SLC29A3: variants seen among roughly 807,000 people sequenced by gnomAD.
SLC29A3 encodes solute carrier family 29 member 3, also known as equilibrative nucleoside transporter 3.
SLC29A3 carries 18 observed loss-of-function variants against 25.4 expected under a neutral mutation model. That is an observed-to-expected ratio of 0.71 (90% CI 0.49 to 1.05). The LOEUF (loss-of-function observed/expected upper bound fraction) is 1.05, where lower values mean the gene tolerates loss of function less well. SLC29A3 is among the 50% of genes least tolerant of loss of function. The pLI is 0.00. For synonymous variants in SLC29A3, 258 were observed against 267.1 expected (o/e 0.97, Z 0.33); for missense variants, 586 against 609.0 (o/e 0.96, Z 0.40).
intron 3 of SLC29A3, among the ~76,000 whole-genome samples, chr10:71,373,183 C>G (rs897931454): frequency 6.6e-6 from 1 of 152,176 alleles, no homozygotes; most frequent in African/African-American, 2.4e-5. Flanking sequence ...CATTACCAAC[C>G]AGCAACACTT....
In SLC29A3 at chr10:71,328,835, C is replaced by T. The variant is rs552024365; in HGVS notation, c.300+5781C>T. On this transcript the variant is annotated intron_variant, in intron 2 of 5. Coordinates refer to ENST00000373189, the MANE Select transcript of SLC29A3 (RefSeq NM_018344.6). Reference sequence around the variant, plus strand: ...AGGTAGCCAGGTTGTCCTGGTTCAGCAAGTGGGGGACCTAGGGCATCCCCT... The same window carrying T: ...AGGTAGCCAGGTTGTCCTGGTTCAGTAAGTGGGGGACCTAGGGCATCCCCT... 2.6e-5 allele frequency among the ~76,000 whole-genome samples: 4 copies of T among 152,314 alleles called. No individual in the cohort carries two copies. The East Asian group carries it at 7.7e-4, about 29-fold the overall frequency.
In SLC29A3 at chr10:71,323,025, G is replaced by A. The variant is rs772093728; in HGVS notation, c.271G>A (p.Gly91Arg). 12 of 1,613,572 alleles carry A rather than the reference G, an allele frequency of 7.4e-6. No individual in the cohort carries two copies. Among genetic ancestry groups the A allele is most frequent in the African/African-American group, 6.7e-5 (5 of 74,940 alleles). The change falls in exon 2 of 6, where the codon GGG (glycine) becomes AGG (arginine). Residue 91 changes from glycine to arginine, a missense_variant. Gly to Arg is a moderately radical substitution (Grantham distance 125). Coordinates refer to ENST00000373189, the MANE Select transcript of SLC29A3 (RefSeq NM_018344.6). ...KLRNSSSPATGEDPEGSDILN... is the reference protein window; with the variant it reads ...KLRNSSSPATREDPEGSDILN... Reference sequence around the variant, plus strand: ...CCGCAACTCCTCCAGCCCAGCCACCGGGGAGGACCCTGAGGGCTCAGACAT... The same window carrying A: ...CCGCAACTCCTCCAGCCCAGCCACCAGGGAGGACCCTGAGGGCTCAGACAT...
downstream of SLC29A3, chr10:71,366,286 A>G (rs767051928): frequency 6.6e-6 from 1 of 152,242 alleles, no homozygotes; most frequent in African/African-American, 2.4e-5. Context: ...ATGAAATCAG[A>G]TGTTTGGCTG....
At chr10:71,358,084 A>G (rs1362714183) in intron 5 of SLC29A3, among the ~76,000 whole-genome samples, 1 of 152,202 alleles carries the variant, frequency 6.6e-6, no homozygotes, top group South Asian at 2.1e-4. Context: ...AGCTGGGGAA[A>G]CTGAAGCTTT....
intron 2 of SLC29A3, among the ~76,000 whole-genome samples, chr10:71,326,353 T>A (rs1845965394): frequency 6.6e-6 from 1 of 152,244 alleles, no homozygotes; most frequent in African/African-American, 2.4e-5. Context: ...TGAAGTGCTT[T>A]ATAAACACTA....
intron 3 of SLC29A3, among the ~76,000 whole-genome samples, chr10:71,344,640 T>C (rs1258564016): frequency 6.6e-6 from 1 of 152,118 alleles, no homozygotes; most frequent in East Asian, 1.9e-4. Flanking sequence ...GACTGTTCAG[T>C]GCTAAGCTGG....
In SLC29A3 at chr10:71,363,231, G is replaced by A. The variant is rs914782652; in HGVS notation, c.*623G>A. ...GGACCAGAGGGCCTCCCTGTGCAAG[G>A]GATCAAGCATGTCTGGCCTGGGTTT... is the stretch of plus-strand genomic sequence containing the variant. On this transcript the variant is annotated 3_prime_UTR_variant, in exon 6 of 6. Coordinates refer to ENST00000373189, the MANE Select transcript of SLC29A3 (RefSeq NM_018344.6). 5 of 453,942 alleles carry A rather than the reference G, an allele frequency of 1.1e-5. No individual in the cohort carries two copies. Among genetic ancestry groups the A allele is most frequent in the Admixed American group, 7.1e-5 (3 of 42,538 alleles). The allele number at this position is 453,942 out of a possible 1,614,324, so 28.1% of individuals were successfully genotyped here.
intron 2 of SLC29A3, among the ~76,000 whole-genome samples, chr10:71,342,660 G>A (rs1413394468): frequency 6.6e-6 from 1 of 152,210 alleles, no homozygotes; most frequent in Non-Finnish European, 1.5e-5. Context: ...CCTCCTAAGG[G>A]CCTCTCTCCT....
Position 71,362,354 on chromosome 10 carries a change from C to A in SLC29A3, c.1174C>A (p.Leu392Ile). ...FVLLRTCLIP[L>I]FVLCNYQPRV... is the part of the protein sequence containing the mutation. ...GCTCCTCCGGACCTGCCTCATCCCCCTCTTCGTGCTCTGTAACTACCAGCC... is the reference window on the plus strand; with the variant it reads ...GCTCCTCCGGACCTGCCTCATCCCCATCTTCGTGCTCTGTAACTACCAGCC... The change falls in exon 6 of 6, where the codon CTC becomes ATC. Residue 392 changes from leucine (L) to isoleucine (I), a missense_variant. Transcript: ENST00000373189. 1 of 1,614,200 alleles carries A rather than the reference C, an allele frequency of 6.2e-7. No individual in the cohort carries two copies. The highest frequency in any genetic ancestry group is 8.5e-7 in the Non-Finnish European group (1 of 1,180,044).
chr10:71,346,928 C>T (rs936384719), intron 3 of SLC29A3, among the ~76,000 whole-genome samples: 17 of 152,184 alleles, frequency 1.1e-4, no homozygotes, highest in Non-Finnish European at 2.5e-4. Flanking sequence ...GCCCCCAGGC[C>T]AGCTACCCTC....
intron 1 of SLC29A3, 112 bp from the exon 2 acceptor site, chr10:71,322,644 G>A (rs1372828387): frequency 5.4e-6 from 7 of 1,292,518 alleles, no homozygotes; most frequent in African/African-American, 1.5e-5. Flanking sequence ...ACTTTACAGA[G>A]CCCAGGGTGA....
At chr10:71,357,143 G>T (rs373327012) in intron 5 of SLC29A3, among the ~76,000 whole-genome samples, 1 of 151,606 alleles carries the variant, frequency 6.6e-6, no homozygotes, top group East Asian at 2.0e-4. Flanking sequence ...GGCCAGGCAC[G>T]GTGGCTCACG....
intron 2 of SLC29A3, among the ~76,000 whole-genome samples, chr10:71,338,880 T>C (rs1028769862): frequency 2.1e-4 from 32 of 152,248 alleles, no homozygotes; most frequent in African/African-American, 7.7e-4. Context: ...CATTCCTGCT[T>C]GCTGCTGGAA....
chr10:71,362,007 T>A lies in SLC29A3; in HGVS notation c.827T>A (p.Leu276His). 2 of 1,614,052 alleles carry A rather than the reference T, an allele frequency of 1.2e-6. No individual in the cohort carries two copies. The highest frequency in any genetic ancestry group is 1.7e-4 in the Middle Eastern group (1 of 6,060). The part of the protein sequence containing the change: ...AAHVFSGEEE[L>H]PQDSLSAPSV... ...CATGTGTTTTCTGGTGAAGAGGAGC[T>A]TCCCCAGGACTCCCTCAGTGCCCCT... is the stretch of plus-strand genomic sequence containing the variant. Residue 276 changes from leucine to histidine, a missense_variant, in exon 6 of 6, where the codon CTT becomes CAT. Transcript: ENST00000373189.
At chr10:71,337,609 C>T (rs1846286799) in intron 2 of SLC29A3, among the ~76,000 whole-genome samples, 1 of 152,206 alleles carries the variant, frequency 6.6e-6, no homozygotes, top group Admixed American at 6.5e-5. Flanking sequence ...AGCCACTCAG[C>T]AGCACGGACA....
chr10:71,360,438 C>T (rs1029361941), intron 5 of SLC29A3, among the ~76,000 whole-genome samples: 1 of 152,168 alleles, frequency 6.6e-6, no homozygotes, highest in Non-Finnish European at 1.5e-5. Context: ...AAGAACCTGT[C>T]TTCTACCGAA....
chr10:71,358,142 C>A (rs924700265), intron 5 of SLC29A3, among the ~76,000 whole-genome samples: 4 of 152,210 alleles, frequency 2.6e-5, no homozygotes. Context: ...TGAGTCACGG[C>A]AGGACTGGAG....
At chr10:71,339,404 T>C (rs1320882358) in intron 2 of SLC29A3, among the ~76,000 whole-genome samples, 1 of 152,166 alleles carries the variant, frequency 6.6e-6, no homozygotes, top group Non-Finnish European at 1.5e-5. Flanking sequence ...AGGGAGATAG[T>C]GGTGCGCAGG....
intron 5 of SLC29A3, among the ~76,000 whole-genome samples, chr10:71,360,693 C>G (rs1391701322): frequency 6.6e-6 from 1 of 152,094 alleles, no homozygotes; most frequent in East Asian, 1.9e-4. Context: ...AGAAATCTGC[C>G]CTACCAAAAT....
Sources: allele counts gnomAD v4.1 joint callset (sites outside exome capture counted in the v4.1 genomes callset), GRCh38; gene constraint gnomAD v4.1.1; transcripts MANE v1.5; gene names NCBI Gene and HGNC (gene_info 2026-07-23, HGNC 2026-07-21).